Variants in ANKRD11 observed in about 807,000 individuals in gnomAD.
ANKRD11 encodes the protein ankyrin repeat domain-containing protein 11.
Under a neutral mutation model 195.7 loss-of-function variants are expected in ANKRD11, and 17 were observed. The ratio of observed to expected loss-of-function variants is 0.09; its 90% confidence interval spans 0.06 to 0.13. The LOEUF (loss-of-function observed/expected upper bound fraction) is 0.13, where lower values mean the gene tolerates loss of function less well. ANKRD11 is among the 10% of genes least tolerant of loss of function. The pLI, the probability that ANKRD11 is intolerant of heterozygous loss-of-function variation, is 1.00. For missense variants in ANKRD11, 3,735 were observed against 3,566.1 expected (o/e 1.05, Z -1.21); for synonymous variants, 1,953 against 1,528.1 (o/e 1.28, Z -6.49).
At chr16:89,317,857 C>T (rs895933349) in intron 2 of ANKRD11, among the ~76,000 whole-genome samples, 3 of 152,148 alleles carry the variant, frequency 2.0e-5, no homozygotes, top group Non-Finnish European at 2.9e-5. Flanking sequence ...TGGCAAATTC[C>T]TAGATAGCCA....
At chr16:89,327,688 C>G (rs2037808332) in intron 2 of ANKRD11, among the ~76,000 whole-genome samples, 1 of 86,236 alleles carries the variant, frequency 1.2e-5, no homozygotes, top group Non-Finnish European at 2.2e-5. Flanking sequence ...TAGCAATAAT[C>G]AAATAAAAAC....
intron 2 of ANKRD11, among the ~76,000 whole-genome samples, chr16:89,318,844 G>A (rs570894214): frequency 1.3e-5 from 2 of 152,216 alleles, no homozygotes; most frequent in Admixed American, 6.5e-5. Flanking sequence ...CTCCACCCGC[G>A]GTGCAGGTGA....
chr16:89,402,239 A>G (rs376004068), intron 2 of ANKRD11, among the ~76,000 whole-genome samples: 1 of 152,166 alleles, frequency 6.6e-6, no homozygotes, highest in African/African-American at 2.4e-5. Flanking sequence ...GGAACCAATT[A>G]TATCTGGGTG....
At chr16:89,307,761 G>A (rs1192224019) in intron 3 of ANKRD11, among the ~76,000 whole-genome samples, 2 of 152,232 alleles carry the variant, frequency 1.3e-5, no homozygotes, top group African/African-American at 2.4e-5. Context: ...CCTTGGGGTC[G>A]GGGAACGCCA....
intron 2 of ANKRD11, among the ~76,000 whole-genome samples, chr16:89,350,224 G>A (rs751924327): frequency 2.0e-5 from 3 of 152,162 alleles, no homozygotes; most frequent in African/African-American, 4.8e-5. Flanking sequence ...CCCATTCAAC[G>A]CTGGTGGGAA....
rs192903999 is a variant in ANKRD11 at position 89,475,301 on chromosome 16, G to C, written c.-145+14944C>G. ...CTGATGATGCAGCTCCTGAGGCTCC[G>C]TGGCCAAGCTGGGATGTGAAAGAAG... On this transcript the variant is annotated intron_variant, in intron 1 of 12. Transcript: ENST00000301030. Among the ~76,000 whole-genome samples, 40 of 152,282 alleles carry C rather than the reference G, an allele frequency of 2.6e-4. No individual in the cohort carries two copies. In the South Asian group the frequency reaches 4.6e-3, roughly 17 times the overall value.
chr16:89,487,835 C>G (rs920106841), intron 1 of ANKRD11, among the ~76,000 whole-genome samples: 1 of 152,190 alleles, frequency 6.6e-6, no homozygotes, highest in Non-Finnish European at 1.5e-5. Flanking sequence ...CTGTCCAACA[C>G]AAACAGCATA....
intron 12 of ANKRD11, chr16:89,270,504 G>T: frequency 2.3e-6 from 1 of 432,858 alleles, no homozygotes; most frequent in Non-Finnish European, 4.3e-6. Flanking sequence ...GGTGAATGCT[G>T]GGACCTTAGA....
chr16:89,376,179 T>C (rs953977767), intron 2 of ANKRD11, among the ~76,000 whole-genome samples: 9 of 152,210 alleles, frequency 5.9e-5, no homozygotes, highest in Admixed American at 2.0e-4. Flanking sequence ...AGGATTGCTA[T>C]AAGAAAGGCA....
intron 12 of ANKRD11, among the ~76,000 whole-genome samples, chr16:89,269,507 G>A (rs1385824568): frequency 1.3e-5 from 2 of 152,098 alleles, no homozygotes; most frequent in Non-Finnish European, 2.9e-5. Context: ...ATTGTTACAT[G>A]GAATCATATA....
At chr16:89,323,781 C>A in intron 2 of ANKRD11, 1 of 252,310 alleles carries the variant, frequency 4.0e-6, no homozygotes, top group South Asian at 4.3e-5. Context: ...CACCAGCTCT[C>A]TCTCCTTCCC....
At chr16:89,361,299 C>T (rs936192592) in intron 2 of ANKRD11, among the ~76,000 whole-genome samples, 1 of 152,218 alleles carries the variant, frequency 6.6e-6, no homozygotes, top group African/African-American at 2.4e-5. Flanking sequence ...TCCTTGGCCT[C>T]AGCACACACA....
Position 89,279,912 on chromosome 16 carries a change from C to T in ANKRD11, c.6630G>A (p.Glu2210=), listed in dbSNP as rs1251758786. ...CTTCTAGAGCCACGTCCAGCTTTGGCTCCCCTGAGGGCTCAGGCTCGAGCT... is the reference window on the plus strand; with the variant it reads ...CTTCTAGAGCCACGTCCAGCTTTGGTTCCCCTGAGGGCTCAGGCTCGAGCT... ...PAELEPEPSG[E]PKLDVALEAA... Residue 2210 remains glutamate, a synonymous_variant, in exon 9 of 13, where the codon GAG becomes GAA. Transcript: ENST00000301030. The surrounding 1 kb of genome is among the most constrained non-coding windows in gnomAD (Gnocchi z 5.6). The T allele has an allele frequency of 6.2e-7, 1 of 1,609,178 alleles. No individual in the cohort carries two copies. The highest frequency in any genetic ancestry group is 8.5e-7 in the Non-Finnish European group (1 of 1,179,422).
chr16:89,479,759 C>T (rs1336333184), intron 1 of ANKRD11, among the ~76,000 whole-genome samples: 3 of 151,688 alleles, frequency 2.0e-5, no homozygotes, highest in East Asian at 1.9e-4. Context: ...CTGGCTAACA[C>T]GGTGAGACCC....
At chr16:89,357,716 C>A (rs533566454) in intron 2 of ANKRD11, among the ~76,000 whole-genome samples, 1 of 152,276 alleles carries the variant, frequency 6.6e-6, no homozygotes, top group African/African-American at 2.4e-5. Context: ...GCTGCGGACT[C>A]CACTCACAGG....
intron 2 of ANKRD11, among the ~76,000 whole-genome samples, chr16:89,346,777 T>C (rs1394658785): frequency 6.6e-6 from 1 of 152,022 alleles, no homozygotes; most frequent in Admixed American, 6.6e-5. Flanking sequence ...CTAGAAGACA[T>C]CCCAATAAAG....
chr16:89,337,007 CAAAAAAAAAAAAA>C (rs60248736), intron 2 of ANKRD11, among the ~76,000 whole-genome samples: 2,695 of 47,848 alleles, frequency 0.056, 75 homozygotes, highest in Middle Eastern at 0.19. Context: ...CTGGCTCTAC[CAAAAAAAAAAAAA>C]AAAAAAAAAA....
chr16:89,438,860 C>G (rs1338593637), intron 1 of ANKRD11, among the ~76,000 whole-genome samples: 1 of 151,990 alleles, frequency 6.6e-6, no homozygotes, highest in Non-Finnish European at 1.5e-5. Flanking sequence ...TTAAAATAAA[C>G]TAGCCAGGTG....
At chr16:89,402,668 G>C (rs1428173980) in intron 2 of ANKRD11, among the ~76,000 whole-genome samples, 1 of 150,110 alleles carries the variant, frequency 6.7e-6, no homozygotes, top group Non-Finnish European at 1.5e-5. Context: ...TGAGGTGAAG[G>C]GGGTGGTTCT....
Sources: allele counts gnomAD v4.1 joint callset (sites outside exome capture counted in the v4.1 genomes callset), GRCh38; gene constraint gnomAD v4.1.1; non-coding constraint Gnocchi (gnomAD v3.1); transcripts MANE v1.5; gene names NCBI Gene and HGNC (gene_info 2026-07-23, HGNC 2026-07-21).